Variants in WWOX observed in about 807,000 individuals in gnomAD.
WWOX encodes the protein WW domain-containing oxidoreductase.
In WWOX, 69 loss-of-function variants were observed where a neutral mutation model predicts 46.2. The observed-to-expected ratio is 1.49, with a 90% CI of 1.23 to 1.82. The LOEUF (loss-of-function observed/expected upper bound fraction) is 1.82, where lower values mean the gene tolerates loss of function less well. Ranked by LOEUF, WWOX falls within the 40% of genes most tolerant of loss-of-function variation. The pLI, the probability that WWOX is intolerant of heterozygous loss-of-function variation, is 0.00. For synonymous variants in WWOX, 359 were observed against 202.6 expected, an observed-to-expected ratio of 1.77 and a Z score of -6.56; for missense variants, 919 against 542.6, an observed-to-expected ratio of 1.69 and a Z score of -6.89.
chr16:78,203,421 G>C (rs1291665260), intron 5 of WWOX, among the ~76,000 whole-genome samples: 1 of 152,140 alleles, frequency 6.6e-6, no homozygotes, highest in Non-Finnish European at 1.5e-5. Flanking sequence ...AAATTTGTTA[G>C]GTTGTATAAT....
At chr16:78,911,366 T>A (rs62038068) in intron 8 of WWOX, among the ~76,000 whole-genome samples, 20,675 of 152,056 alleles carry the variant, frequency 0.14, 1,779 homozygotes, top group South Asian at 0.19. Context: ...TCCTGCTGTT[T>A]TATTAGGCAT....
chr16:79,203,243 C>T (rs2051400590), intron 8 of WWOX: 2 of 152,168 alleles, frequency 1.3e-5, no homozygotes, highest in South Asian at 4.1e-4. Context: ...AGACACTCTC[C>T]ACAGTATGTT....
Position 78,926,239 on chromosome 16 carries a change from G to T in WWOX, c.1057-285369G>T, listed in dbSNP as rs1366487218. ...ATTTACAAGCTTAGCCAGGCATGGT[G>T]GTGCCCACTTGTGGTTTCAGCTACC... On this transcript the variant is annotated intron_variant, in intron 8 of 8. Transcript: ENST00000566780. Among the ~76,000 whole-genome samples the T allele has an allele frequency of 2.0e-5, 3 of 152,078 alleles. No homozygotes were observed. The East Asian group carries it at 5.8e-4, about 29-fold the overall frequency.
At chr16:78,345,242 A>G (rs1489080596) in intron 5 of WWOX, among the ~76,000 whole-genome samples, 2 of 115,622 alleles carry the variant, frequency 1.7e-5, no homozygotes, top group African/African-American at 2.9e-5. Flanking sequence ...CTCTCTGGAC[A>G]TCGTATTCCT....
chr16:78,132,493 G>A (rs931111085), intron 4 of WWOX, among the ~76,000 whole-genome samples: 3 of 152,068 alleles, frequency 2.0e-5, no homozygotes, highest in East Asian at 3.9e-4. Flanking sequence ...TATTAATCAC[G>A]CTTCCATTGC....
At chr16:78,818,788 G>T (rs935659140) in intron 8 of WWOX, among the ~76,000 whole-genome samples, 2 of 152,202 alleles carry the variant, frequency 1.3e-5, no homozygotes, top group African/African-American at 4.8e-5. Context: ...CGTCTTTTCT[G>T]AATTGGAGCC....
intron 8 of WWOX, among the ~76,000 whole-genome samples, chr16:78,563,996 G>A (rs1429278391): frequency 1.3e-5 from 2 of 152,140 alleles, no homozygotes; most frequent in East Asian, 1.9e-4. Flanking sequence ...GCTGTGCTAC[G>A]AACCCTTTTA....
At position 79,074,387 on chromosome 16, in the gene WWOX, C is replaced by A. The variant is rs142302691; in HGVS notation, c.1057-137221C>A. ...GTTGTCACTCAAAGCCGAATCTCAT[C>A]CTGACTGAAATGTCACTAGTCCTTT... On this transcript the variant is annotated intron_variant, in intron 8 of 8. Coordinates refer to ENST00000566780, the MANE Select transcript of WWOX (RefSeq NM_016373.4). 1.1e-4 allele frequency among the ~76,000 whole-genome samples: 15 copies of A among 132,068 alleles called. No individual in the cohort carries two copies. In the East Asian group the frequency reaches 3.2e-3, roughly 28 times the overall value. The allele number at this position is 132,068 out of a possible 152,430, so 86.6% of individuals were successfully genotyped here. A position where few individuals can be genotyped will look rare whatever the true frequency, so the allele number is the denominator to read the frequency against.
intron 8 of WWOX, among the ~76,000 whole-genome samples, chr16:78,972,195 C>G (rs774936127): frequency 6.6e-6 from 1 of 152,164 alleles, no homozygotes; most frequent in Non-Finnish European, 1.5e-5. Flanking sequence ...CCCTGGCCAT[C>G]AGCTGCCGTG....
At chr16:78,372,803 T>G (rs537136058) in intron 5 of WWOX, among the ~76,000 whole-genome samples, 61 of 152,366 alleles carry the variant, frequency 4.0e-4, no homozygotes, top group Admixed American at 2.0e-3. Context: ...CACCAGTCTT[T>G]CCTAGACTTG....
chr16:79,051,711 G>A (rs1181020109), intron 8 of WWOX, among the ~76,000 whole-genome samples: 3 of 152,224 alleles, frequency 2.0e-5, no homozygotes, highest in African/African-American at 7.2e-5. Flanking sequence ...AAAAGTAGAG[G>A]TTCCTCTTGA....
intron 8 of WWOX, among the ~76,000 whole-genome samples, chr16:78,513,338 T>A (rs2085409927): frequency 6.6e-6 from 1 of 152,206 alleles, no homozygotes; most frequent in African/African-American, 2.4e-5. Flanking sequence ...GGGCAACATT[T>A]GATAAAAGAT....
At chr16:78,375,794 A>G (rs1367513461) in intron 5 of WWOX, among the ~76,000 whole-genome samples, 1 of 152,194 alleles carries the variant, frequency 6.6e-6, no homozygotes, top group African/African-American at 2.4e-5. Flanking sequence ...AAAACAAAAC[A>G]AAATTGGAAA....
chr16:78,840,716 A>G (rs2151168288), intron 8 of WWOX, among the ~76,000 whole-genome samples: 1 of 151,140 alleles, frequency 6.6e-6, no homozygotes, highest in African/African-American at 2.4e-5. Flanking sequence ...TTTCTTATTT[A>G]ATTTTTGTGG....
At chr16:78,184,173 A>G (rs528453714) in intron 5 of WWOX, among the ~76,000 whole-genome samples, 2 of 152,108 alleles carry the variant, frequency 1.3e-5, no homozygotes, top group Admixed American at 1.3e-4. Flanking sequence ...GCTTCTCTGT[A>G]GGAGGATTTT....
chr16:78,549,397 T>C (rs572384510), intron 8 of WWOX, among the ~76,000 whole-genome samples: 9 of 152,340 alleles, frequency 5.9e-5, no homozygotes, highest in Non-Finnish European at 1.3e-4. Context: ...AGACAGAATA[T>C]CACTTTTTTA....
In WWOX at chr16:79,026,638, G is replaced by T. The variant is rs1481281344; in HGVS notation, c.1057-184970G>T. ...TCTTTTTTTTTTTTTTTTTTTTTGAGATGGAGTCTCCCTCTGTCGCCTAGG... is the reference window on the plus strand; with the variant it reads ...TCTTTTTTTTTTTTTTTTTTTTTGATATGGAGTCTCCCTCTGTCGCCTAGG... On this transcript the variant is annotated intron_variant, in intron 8 of 8. Transcript: ENST00000566780. Among the ~76,000 whole-genome samples, 597 of 93,580 alleles carry T rather than the reference G, an allele frequency of 6.4e-3. 9 individuals are homozygous for T. Among genetic ancestry groups the T allele is most frequent in the African/African-American group, 0.024 (561 of 23,430 alleles). 61.4% of individuals were successfully genotyped at this position (93,580 alleles called of 152,430 possible). A position where few individuals can be genotyped will look rare whatever the true frequency, so the allele number is the denominator to read the frequency against.
chr16:78,374,435 G>C (rs887465481), intron 5 of WWOX, among the ~76,000 whole-genome samples: 34 of 150,294 alleles, frequency 2.3e-4, no homozygotes, highest in African/African-American at 8.3e-4. Context: ...ATTTGGTCCT[G>C]TAGCTACTCC....
chr16:79,207,959 T>A (rs2150851578), intron 8 of WWOX, among the ~76,000 whole-genome samples: 1 of 152,284 alleles, frequency 6.6e-6, no homozygotes, highest in East Asian at 1.9e-4. Flanking sequence ...AACACCGAGT[T>A]TTGGAAGGAT....
Sources: allele counts gnomAD v4.1 joint callset (sites outside exome capture counted in the v4.1 genomes callset), GRCh38; gene constraint gnomAD v4.1.1; transcripts MANE v1.5; gene names NCBI Gene and HGNC (gene_info 2026-07-23, HGNC 2026-07-21).